The following SLC12A7 variants were observed in gnomAD, a reference collection of about 807,000 sequenced individuals.
The protein encoded by SLC12A7 is solute carrier family 12 member 7.
Under a neutral mutation model 120.6 loss-of-function variants are expected in SLC12A7, and 100 were observed. That is an observed-to-expected ratio of 0.83 (90% CI 0.71 to 0.98). The LOEUF is 0.98. Among genes scored for constraint, SLC12A7 ranks in the 50% least tolerant of loss-of-function variants. The pLI, the probability that SLC12A7 is intolerant of heterozygous loss-of-function variation, is 0.00. For synonymous variants in SLC12A7, 760 were observed against 678.0 expected, an observed-to-expected ratio of 1.12 and a Z score of -1.88; for missense variants, 1,373 against 1,548.1, an observed-to-expected ratio of 0.89 and a Z score of 1.90.
chr5:1,120,944 T>C, the SLC12A7 span, among the ~76,000 whole-genome samples: 7 of 152,144 alleles, frequency 4.6e-5, no homozygotes, highest in Non-Finnish European at 7.3e-5. Context: ...AGCTCGGAGC[T>C]CACCCGGCAA....
In SLC12A7 at chr5:1,065,306, G is replaced by A. The variant is rs375257115; in HGVS notation, c.2414C>T (p.Pro805Leu). The change falls in exon 18 of 24, where the codon CCC becomes CTC. Residue 805 changes from proline to leucine, a missense_variant. Transcript: ENST00000264930. ...WPASWKQEDN[P>L]FSWKNFVDTV... ...ACCCACAAAGTTCTTCCAGGAGAAG[G>A]GGTTGTCCTCCTGCTTCCAGGATGC... 10 of 1,578,766 alleles carry A rather than the reference G, an allele frequency of 6.3e-6. No individual in the cohort carries two copies. The highest frequency in any genetic ancestry group is 1.4e-5 in the African/African-American group (1 of 73,936).
chr5:1,135,448 C>T, the SLC12A7 span, among the ~76,000 whole-genome samples: 3 of 152,114 alleles, frequency 2.0e-5, no homozygotes, highest in Non-Finnish European at 4.4e-5. Flanking sequence ...TCGCTCCAGC[C>T]CAGGTGCAGT....
At chr5:1,123,370 C>G in the SLC12A7 span, among the ~76,000 whole-genome samples, 1 of 152,134 alleles carries the variant, frequency 6.6e-6, no homozygotes. Flanking sequence ...GCCCTTGAAC[C>G]CTTGGGTCCC....
chr5:1,108,645 TCCC>T (rs939094263), intron 1 of SLC12A7, among the ~76,000 whole-genome samples: 1 of 152,046 alleles, frequency 6.6e-6, no homozygotes, highest in African/African-American at 2.4e-5. Flanking sequence ...TAATGCGTGA[TCCC>T]CCAAGTCCCT....
intron 12 of SLC12A7, among the ~76,000 whole-genome samples, chr5:1,077,191 C>T (rs930222252): frequency 6.6e-6 from 1 of 152,202 alleles, no homozygotes; most frequent in Non-Finnish European, 1.5e-5. Context: ...CCCACGGGGC[C>T]TGTGTGCCTG....
At chr5:1,078,410 C>A (rs1738610424) in intron 11 of SLC12A7, 1 of 562,806 alleles carries the variant, frequency 1.8e-6, no homozygotes, top group Non-Finnish European at 3.2e-6. Flanking sequence ...GCTGAGGGAT[C>A]TCCCAGGGCC....
At chr5:1,123,575 G>A in the SLC12A7 span, among the ~76,000 whole-genome samples, 1 of 152,368 alleles carries the variant, frequency 6.6e-6, no homozygotes, top group East Asian at 1.9e-4. Context: ...AGGGGTAGCA[G>A]CTCAGCAAGG....
intron 21 of SLC12A7, among the ~76,000 whole-genome samples, chr5:1,059,483 T>A (rs1318585062): frequency 6.6e-6 from 1 of 152,140 alleles, no homozygotes; most frequent in East Asian, 1.9e-4. Context: ...CACACGTGTG[T>A]GATACCAGCC....
the SLC12A7 span, among the ~76,000 whole-genome samples, chr5:1,121,837 G>A: frequency 6.6e-6 from 1 of 152,190 alleles, no homozygotes; most frequent in Non-Finnish European, 1.5e-5. Flanking sequence ...CTCAGGAGGG[G>A]CTGTCCTGTC....
chr5:1,112,159 C>G (rs996863624), upstream of SLC12A7: 4 of 788,956 alleles, frequency 5.1e-6, no homozygotes, highest in East Asian at 7.7e-5. Flanking sequence ...AGTTGGCCCG[C>G]GGCGACTTCC....
intron 9 of SLC12A7, among the ~76,000 whole-genome samples, chr5:1,080,680 TGGCCCCACCCCCTGGGGAACAACCAAG>T (rs1429974842): frequency 1.3e-5 from 2 of 152,168 alleles, no homozygotes; most frequent in African/African-American, 2.4e-5. Context: ...GCACGGGGCC[TGGCCCCACCCCCTGGGGAACAACCAAG>T]GGCCCCACCC....
At chr5:1,136,886 G>C in the SLC12A7 span, among the ~76,000 whole-genome samples, 2,920 of 92,178 alleles carry the variant, frequency 0.032, 179 homozygotes, top group African/African-American at 0.076. Context: ...TGCTCAAACA[G>C]CAGGACACGC....
chr5:1,134,314 A>G, the SLC12A7 span, among the ~76,000 whole-genome samples: 1 of 152,154 alleles, frequency 6.6e-6, no homozygotes, highest in African/African-American at 2.4e-5. Flanking sequence ...TACTAAAAAT[A>G]CAAAAATCAG....
chr5:1,063,806 TC>T (rs752991648), intron 20 of SLC12A7, 37 bp downstream of exon 20: 2 of 101,738 alleles, frequency 2.0e-5, no homozygotes, highest in Admixed American at 1.0e-4. Context: ...CCTCCCCACC[TC>T]CCCCCGGCCT....
chr5:1,065,999 C>T (rs1216296866), intron 17 of SLC12A7, among the ~76,000 whole-genome samples: 1 of 152,152 alleles, frequency 6.6e-6, no homozygotes, highest in Non-Finnish European at 1.5e-5. Flanking sequence ...GCAGTCTCTT[C>T]CCAGGGGTGT....
At chr5:1,097,048 G>A (rs1741337112) in intron 1 of SLC12A7, among the ~76,000 whole-genome samples, 1 of 152,158 alleles carries the variant, frequency 6.6e-6, no homozygotes, top group Non-Finnish European at 1.5e-5. Flanking sequence ...AAGGGTGCGT[G>A]GCTCCGGAGG....
At chr5:1,077,789 A>C (rs1210683013) in intron 12 of SLC12A7, 44 bp downstream of exon 12, 31 of 1,518,994 alleles carry the variant, frequency 2.0e-5, no homozygotes, top group Non-Finnish European at 2.7e-5. Context: ...AGAGCCCCCG[A>C]CCCTGACCTT....
At chr5:1,090,533 C>T (rs2150872651) in intron 3 of SLC12A7, among the ~76,000 whole-genome samples, 1 of 152,266 alleles carries the variant, frequency 6.6e-6, no homozygotes, top group Middle Eastern at 3.4e-3. Flanking sequence ...TGGTGGAGAA[C>T]CGGCTTTGGG....
the SLC12A7 span, among the ~76,000 whole-genome samples, chr5:1,128,085 G>C: frequency 6.6e-6 from 1 of 152,228 alleles, no homozygotes; most frequent in Non-Finnish European, 1.5e-5. Flanking sequence ...CTCACGCCAT[G>C]CACTGGGGCA....
Sources: gnomAD v4.1 joint callset for allele counts (sites outside exome capture counted in the v4.1 genomes callset) on GRCh38, gnomAD v4.1.1 for gene constraint, MANE v1.5 for transcripts, NCBI Gene and HGNC (gene_info 2026-07-23, HGNC 2026-07-21) for gene names.